Variants in IBSP observed in about 807,000 individuals in gnomAD.
IBSP encodes integrin-binding sialoprotein.
A neutral mutation model predicts 25.5 loss-of-function variants in IBSP; 19 were observed. The ratio of observed to expected loss-of-function variants is 0.74; its 90% CI spans 0.52 to 1.09. The LOEUF (loss-of-function observed/expected upper bound fraction) is 1.09, where lower values mean the gene tolerates loss of function less well. Ranked by LOEUF, IBSP falls within the 50% of genes least tolerant of loss-of-function variation. The pLI is 0.00. For missense variants in IBSP, 360 were observed against 382.3 expected (o/e 0.94, Z 0.49); for synonymous variants, 144 against 137.6 (o/e 1.05, Z -0.33).
Position 87,811,960 on chromosome 4 carries a change from C to G in IBSP, c.*50C>G. The G allele has an allele frequency of 6.9e-7, 1 of 1,444,390 alleles. No homozygotes were observed. 89.5% of individuals were successfully genotyped at this position (1,444,390 alleles called of 1,614,324 possible). ...CCATTCTGGCTTTGCATCCGGCTAC[C>G]ATTTTCGAAGTTCAACTCAGGAAGG... On this transcript the variant is annotated 3_prime_UTR_variant, in exon 7 of 7. Coordinates refer to ENST00000226284, the MANE Select transcript of IBSP (RefSeq NM_004967.4).
chr4:87,808,879 G>A (rs759224239), intron 5 of IBSP, among the ~76,000 whole-genome samples: 12 of 152,286 alleles, frequency 7.9e-5, no homozygotes, highest in South Asian at 4.2e-4. Context: ...CCAAGTTTGG[G>A]TGATTACAAA....
chr4:87,811,520 C>A lies in IBSP; in HGVS notation c.564C>A (p.Asn188Lys), dbSNP rs747404256. The A allele has an allele frequency of 1.2e-6, 2 of 1,613,716 alleles. No individual in the cohort carries two copies. Among genetic ancestry groups the A allele is most frequent in the South Asian group, 1.1e-5 (1 of 91,060 alleles). Reference sequence around the variant, plus strand: ...GTACCAACAGCACAGAGGCAGAAAACGGCAACGGCAGCAGCGGAGGAGACA... The same window carrying A: ...GTACCAACAGCACAGAGGCAGAAAAAGGCAACGGCAGCAGCGGAGGAGACA... Reference protein sequence around the residue: ...GTSTNSTEAENGNGSSGGDNG... With the variant: ...GTSTNSTEAEKGNGSSGGDNG... Residue 188 changes from asparagine (N) to lysine (K), a missense_variant, in exon 7 of 7, where the codon AAC (asparagine) becomes AAA (lysine). Asn to Lys is a moderately conservative substitution (Grantham distance 94, BLOSUM62 0). Transcript: ENST00000226284.
At chr4:87,805,603 T>A in intron 4 of IBSP, among the ~76,000 whole-genome samples, 1 of 152,198 alleles carries the variant, frequency 6.6e-6, no homozygotes, top group East Asian at 1.9e-4. Context: ...TAACAACTTT[T>A]ATAGTAAGCT....
chr4:87,807,589 T>C (rs557572334), intron 5 of IBSP, among the ~76,000 whole-genome samples: 1 of 152,280 alleles, frequency 6.6e-6, no homozygotes, highest in African/African-American at 2.4e-5. Flanking sequence ...TGTACAGTGA[T>C]TGTAAAATTG....
In IBSP at chr4:87,812,166, T is replaced by C. The variant is rs1722189236; in HGVS notation, c.*256T>C. 1 of 382,354 alleles carries C rather than the reference T, an allele frequency of 2.6e-6. No individual in the cohort carries two copies. The highest frequency in any genetic ancestry group is 4.6e-6 in the Non-Finnish European group (1 of 217,282). The allele number at this position is 382,354 out of a possible 1,614,324, so 23.7% of individuals were successfully genotyped here. ...CACCAACTCATAAGATCAAATTTCA[T>C]TGAATGGTTTGAGGTTGTAGCTCTA... On this transcript the variant is annotated 3_prime_UTR_variant, in exon 7 of 7. Transcript: ENST00000226284.
At chr4:87,802,594 T>A in intron 3 of IBSP, 36 bp downstream of exon 3, 7 of 1,579,162 alleles carry the variant, frequency 4.4e-6, no homozygotes, top group Non-Finnish European at 6.0e-6. Flanking sequence ...GGCCTGATTA[T>A]ACTTGCTGTA....
intron 4 of IBSP, among the ~76,000 whole-genome samples, chr4:87,803,622 C>T (rs1200113555): frequency 1.3e-5 from 2 of 152,140 alleles, no homozygotes; most frequent in African/African-American, 4.8e-5. Context: ...AGCACAGTGG[C>T]TTGGCATTGC....
chr4:87,806,981 C>T (rs1213530328), intron 5 of IBSP, among the ~76,000 whole-genome samples: 2 of 151,366 alleles, frequency 1.3e-5, no homozygotes, highest in African/African-American at 2.4e-5. Context: ...CTCCAGTCTG[C>T]GCAACAGAGC....
At chr4:87,808,596 C>T (rs529263082) in intron 5 of IBSP, among the ~76,000 whole-genome samples, 10 of 152,190 alleles carry the variant, frequency 6.6e-5, no homozygotes, top group African/African-American at 1.7e-4. Flanking sequence ...AAAAGCAGTG[C>T]GTGCCTTGTG....
intron 5 of IBSP, among the ~76,000 whole-genome samples, chr4:87,809,743 A>C (rs1312871859): frequency 6.6e-6 from 1 of 152,232 alleles, no homozygotes; most frequent in Non-Finnish European, 1.5e-5. Flanking sequence ...ATTGAAGTGA[A>C]TTCAATTTTC....
chr4:87,802,216 T>C (rs1722027251), intron 1 of IBSP, 132 bp from the exon 2 acceptor site: 1 of 582,050 alleles, frequency 1.7e-6, no homozygotes. Context: ...AGGAATAATT[T>C]AGTTTTAATT....
Position 87,810,720 on chromosome 4 carries a change from G to A in IBSP, c.361G>A (p.Gly121Ser), listed in dbSNP as rs1722158941. The change falls in exon 6 of 7, where the codon GGC becomes AGC. Residue 121 changes from glycine (G) to serine (S), a missense_variant. Transcript: ENST00000226284. ...TLGYGEDATPGTGYTGLAAIQ... is the reference protein window; with the variant it reads ...TLGYGEDATPSTGYTGLAAIQ... ...GGGCTATGGAGAGGACGCCACGCCT[G>A]GCACAGGGTATACAGGGTTAGCTGC... 8 of 1,613,902 alleles carry A rather than the reference G, an allele frequency of 5.0e-6. No homozygotes were observed. In the African/African-American group the frequency reaches 5.3e-5, roughly 11 times the overall value.
chr4:87,802,825 A>C (rs992765418), intron 4 of IBSP, 94 bp downstream of exon 4: 6 of 784,096 alleles, frequency 7.7e-6, no homozygotes, highest in African/African-American at 3.6e-5. Context: ...TTCAACTCTC[A>C]CTGAAATTCA....
intron 5 of IBSP, among the ~76,000 whole-genome samples, chr4:87,810,061 T>C (rs1194294891): frequency 6.6e-6 from 1 of 152,090 alleles, no homozygotes; most frequent in Non-Finnish European, 1.5e-5. Flanking sequence ...CCGTTTCTAC[T>C]AAAAATACAA....
intron 6 of IBSP, 41 bp downstream of exon 6, chr4:87,810,805 T>C: frequency 6.4e-7 from 1 of 1,560,970 alleles, no homozygotes. Context: ...ATTATTACCA[T>C]TAATAATAAT....
chr4:87,809,262 C>G (rs1431189243), intron 5 of IBSP, among the ~76,000 whole-genome samples: 1 of 152,092 alleles, frequency 6.6e-6, no homozygotes, highest in Non-Finnish European at 1.5e-5. Flanking sequence ...AGCGGAACAT[C>G]CTTAAATAAA....
At chr4:87,803,525 G>C (rs1438780638) in intron 4 of IBSP, among the ~76,000 whole-genome samples, 1 of 152,182 alleles carries the variant, frequency 6.6e-6, no homozygotes, top group African/African-American at 2.4e-5. Flanking sequence ...GTACCATACA[G>C]TTTGGGTTCA....
intron 4 of IBSP, 58 bp downstream of exon 4, chr4:87,802,789 C>T: frequency 9.0e-7 from 1 of 1,107,260 alleles, no homozygotes; most frequent in Non-Finnish European, 1.2e-6. Context: ...TAAAGGAGAT[C>T]AAATTTTAAC....
rs4693878 is a variant in IBSP at position 87,811,379 on chromosome 4, T to C, written c.423T>C (p.Asn141=). 1,218,923 of 1,608,608 alleles carry C rather than the reference T, an allele frequency of 0.76. 464,214 individuals carry two copies. Among genetic ancestry groups the C allele is most frequent in the African/African-American group, 0.9 (66,772 of 74,326 alleles). ...CCTTACAGGCTGGGGATATAACAAA[T>C]AAAGCTACAAAAGAGAAGGAAAGTG... The part of the protein sequence containing the change: ...QLPKKAGDIT[N]KATKEKESDE... Residue 141 remains asparagine (N), a synonymous_variant, in exon 7 of 7, where the codon AAT becomes AAC. Transcript: ENST00000226284.
Sources: gnomAD v4.1 joint callset for allele counts (sites outside exome capture counted in the v4.1 genomes callset) on GRCh38, gnomAD v4.1.1 for gene constraint, MANE v1.5 for transcripts, NCBI Gene and HGNC (gene_info 2026-07-23, HGNC 2026-07-21) for gene names.